Variants in STXBP5L observed in about 807,000 individuals in gnomAD.
STXBP5L encodes syntaxin-binding protein 5-like.
In STXBP5L, 65 loss-of-function variants were observed where a neutral mutation model predicts 144.5. The observed-to-expected ratio is 0.45, with a 90% CI of 0.37 to 0.55. STXBP5L has a LOEUF of 0.55. STXBP5L is among the 20% of genes least tolerant of loss of function. STXBP5L has a pLI of 0.00. For synonymous variants in STXBP5L, 505 were observed against 469.6 expected, an observed-to-expected ratio of 1.08 and a Z score of -0.97; for missense variants, 1,298 against 1,405.5, an observed-to-expected ratio of 0.92 and a Z score of 1.22.
At chr3:121,394,939 A>C (rs1283932572) in intron 22 of STXBP5L, among the ~76,000 whole-genome samples, 1 of 152,108 alleles carries the variant, frequency 6.6e-6, no homozygotes, top group Non-Finnish European at 1.5e-5. Context: ...GAAAAATGAA[A>C]TTCCCTTCAG....
chr3:121,045,417 A>T lies in STXBP5L; in HGVS notation c.370-18A>T. ...ATTAAGTAAATCACACACTTACTTTATCTTCTTTTTGTTCTAGGGTGCCTT... is the reference window on the plus strand; with the variant it reads ...ATTAAGTAAATCACACACTTACTTTTTCTTCTTTTTGTTCTAGGGTGCCTT... On this transcript the variant is annotated intron_variant, in intron 4 of 26. Transcript: ENST00000471454. 1 of 1,591,874 alleles carries T rather than the reference A, an allele frequency of 6.3e-7. No homozygotes were observed. The highest frequency in any genetic ancestry group is 8.5e-7 in the Non-Finnish European group (1 of 1,171,912).
At chr3:121,024,738 A>T (rs1485780879) in intron 3 of STXBP5L, among the ~76,000 whole-genome samples, 1 of 152,220 alleles carries the variant, frequency 6.6e-6, no homozygotes, top group Non-Finnish European at 1.5e-5. Context: ...TCTCTACAAC[A>T]TCTATTCCAT....
intron 10 of STXBP5L, among the ~76,000 whole-genome samples, chr3:121,210,520 C>A (rs1013363618): frequency 3.9e-5 from 6 of 152,072 alleles, no homozygotes; most frequent in African/African-American, 1.2e-4. Context: ...CTATGTCCTG[C>A]ATGGTATTGC....
At chr3:121,055,595 C>G (rs1416505609) in intron 5 of STXBP5L, among the ~76,000 whole-genome samples, 1 of 152,022 alleles carries the variant, frequency 6.6e-6, no homozygotes, top group East Asian at 1.9e-4. Context: ...ACTGCAGCCT[C>G]AAACTCCTGG....
At chr3:121,054,283 C>A (rs1410929857) in intron 5 of STXBP5L, among the ~76,000 whole-genome samples, 2 of 152,112 alleles carry the variant, frequency 1.3e-5, no homozygotes, top group African/African-American at 4.8e-5. Flanking sequence ...TATAAAGACA[C>A]ATGTGCACGA....
chr3:121,085,314 T>C (rs1350985703), intron 5 of STXBP5L, among the ~76,000 whole-genome samples: 4 of 152,186 alleles, frequency 2.6e-5, no homozygotes, highest in Admixed American at 2.6e-4. Flanking sequence ...TGAGTGGTAT[T>C]GCCTGGATTT....
chr3:121,282,182 A>C, intron 19 of STXBP5L: 294 of 1,092,334 alleles, frequency 2.7e-4, no homozygotes, highest in Non-Finnish European at 3.8e-4. Flanking sequence ...AGATTCTGGT[A>C]TGATATCACT....
intron 9 of STXBP5L, among the ~76,000 whole-genome samples, chr3:121,174,661 G>T (rs2046862909): frequency 6.6e-6 from 1 of 152,094 alleles, no homozygotes; most frequent in South Asian, 2.1e-4. Flanking sequence ...GTTGAATATG[G>T]ACTAATATGA....
chr3:121,012,805 C>G (rs540719792), intron 3 of STXBP5L, among the ~76,000 whole-genome samples: 1 of 151,802 alleles, frequency 6.6e-6, no homozygotes, highest in Non-Finnish European at 1.5e-5. Context: ...AAACAAAGTA[C>G]CTGATAGGTA....
chr3:120,958,000 T>C (rs1257140396), intron 3 of STXBP5L, among the ~76,000 whole-genome samples: 1 of 151,972 alleles, frequency 6.6e-6, no homozygotes, highest in Non-Finnish European at 1.5e-5. Flanking sequence ...ACAAAATTGA[T>C]AGACCGCTAG....
intron 4 of STXBP5L, among the ~76,000 whole-genome samples, 198 bp downstream of exon 4, chr3:121,041,979 A>AT (rs1262976276): frequency 1.3e-5 from 2 of 152,162 alleles, no homozygotes. Flanking sequence ...AAGATTGTAT[A>AT]TGCCATATTC....
intron 19 of STXBP5L, among the ~76,000 whole-genome samples, chr3:121,292,351 C>G (rs2051472200): frequency 6.6e-6 from 1 of 152,170 alleles, no homozygotes; most frequent in African/African-American, 2.4e-5. Context: ...TACCATCTTT[C>G]TCCTGCAAGA....
chr3:121,138,608 A>T (rs937916606), intron 7 of STXBP5L, among the ~76,000 whole-genome samples: 2 of 152,092 alleles, frequency 1.3e-5, no homozygotes, highest in African/African-American at 4.8e-5. Flanking sequence ...AAATCCACAC[A>T]TTTACAGCCA....
At chr3:121,312,524 TC>T (rs1201788449) in intron 19 of STXBP5L, among the ~76,000 whole-genome samples, 3 of 127,782 alleles carry the variant, frequency 2.3e-5, no homozygotes, top group African/African-American at 9.1e-5. Context: ...TTTGGCAGGG[TC>T]ATAGGACAAT....
intron 20 of STXBP5L, among the ~76,000 whole-genome samples, chr3:121,367,180 C>T (rs2045886817): frequency 6.6e-6 from 1 of 152,090 alleles, no homozygotes; most frequent in Non-Finnish European, 1.5e-5. Context: ...AACCATTGTT[C>T]CAATAACACT....
chr3:120,998,153 T>C (rs1018923882), intron 3 of STXBP5L, among the ~76,000 whole-genome samples: 3 of 152,182 alleles, frequency 2.0e-5, no homozygotes, highest in African/African-American at 7.2e-5. Context: ...GCTGTAATTA[T>C]TCCCCTTGAA....
intron 5 of STXBP5L, among the ~76,000 whole-genome samples, chr3:121,048,311 A>G (rs952886545): frequency 1.3e-5 from 2 of 151,930 alleles, no homozygotes; most frequent in South Asian, 4.1e-4. Context: ...TGGAGAATCT[A>G]ATTATGTGTC....
intron 18 of STXBP5L, among the ~76,000 whole-genome samples, chr3:121,278,025 A>G (rs990853650): frequency 1.3e-5 from 2 of 151,748 alleles, no homozygotes; most frequent in African/African-American, 2.4e-5. Flanking sequence ...AATCTCTGGT[A>G]TTCTCTCTCT....
intron 2 of STXBP5L, among the ~76,000 whole-genome samples, chr3:120,934,760 G>C (rs1374781126): frequency 6.6e-6 from 1 of 151,678 alleles, no homozygotes; most frequent in East Asian, 1.9e-4. Context: ...CTTTATCCTT[G>C]GTATTTTTTT....
Sources: gnomAD v4.1 joint callset for allele counts (sites outside exome capture counted in the v4.1 genomes callset) on GRCh38, gnomAD v4.1.1 for gene constraint, MANE v1.5 for transcripts, NCBI Gene and HGNC (gene_info 2026-07-23, HGNC 2026-07-21) for gene names.